Variants in PBX1 observed in about 807,000 individuals in gnomAD.
PBX1 encodes PBX homeobox 1, also known as pre-B-cell leukemia transcription factor 1.
PBX1 carries 6 observed loss-of-function variants against 53.4 expected under a neutral mutation model. That is an observed-to-expected ratio of 0.11 (90% CI 0.06 to 0.22). PBX1 has a LOEUF of 0.22. PBX1 is among the 10% of genes least tolerant of loss of function. The probability of loss-of-function intolerance (pLI) is 1.00; values close to 1 mark genes in which losing one functional copy is unlikely to be tolerated. For missense variants in PBX1, 251 were observed against 551.4 expected, an observed-to-expected ratio of 0.46 and a Z score of 5.46; for synonymous variants, 204 against 212.3, an observed-to-expected ratio of 0.96 and a Z score of 0.34.
At chr1:164,572,611 TTGAG>T (rs1287490234) in intron 2 of PBX1, among the ~76,000 whole-genome samples, 4 of 152,152 alleles carry the variant, frequency 2.6e-5, no homozygotes, top group Admixed American at 6.5e-5. Context: ...AGCATGGACT[TTGAG>T]TGAAACCATC....
intron 2 of PBX1, among the ~76,000 whole-genome samples, chr1:164,692,655 A>T (rs954839461): frequency 3.9e-5 from 6 of 152,152 alleles, no homozygotes; most frequent in African/African-American, 1.4e-4. Context: ...GAGCGTGGGG[A>T]ATAGGGTTAA....
intron 2 of PBX1, among the ~76,000 whole-genome samples, chr1:164,637,688 G>C (rs759417828): frequency 1.3e-5 from 2 of 152,218 alleles, no homozygotes; most frequent in Admixed American, 1.3e-4. Context: ...GGCCTGCCAA[G>C]TTCCACTGAC....
chr1:164,841,915 T>G (rs1167973080), intron 8 of PBX1, among the ~76,000 whole-genome samples: 2 of 152,192 alleles, frequency 1.3e-5, no homozygotes, highest in Non-Finnish European at 2.9e-5. Context: ...CTGGCCCATA[T>G]GCAGATCTAG....
chr1:164,870,217 CT>C (rs1437260960), intron 2 of PBX1, among the ~76,000 whole-genome samples: 3 of 89,292 alleles, frequency 3.4e-5, no homozygotes, highest in Non-Finnish European at 7.1e-5. Context: ...TCTTTTCTTT[CT>C]TTCCTTCCTT....
At chr1:164,630,516 C>A (rs941677325) in intron 2 of PBX1, among the ~76,000 whole-genome samples, 2 of 152,110 alleles carry the variant, frequency 1.3e-5, no homozygotes, top group Non-Finnish European at 2.9e-5. Flanking sequence ...CAATATCATT[C>A]TTCTTTTACC....
chr1:164,626,392 G>T (rs896676170), intron 2 of PBX1, among the ~76,000 whole-genome samples: 1 of 152,160 alleles, frequency 6.6e-6, no homozygotes, highest in Non-Finnish European at 1.5e-5. Flanking sequence ...CCAGGGCTGA[G>T]CATTTCTTTG....
chr1:164,697,228 GC>G (rs1014879221), intron 2 of PBX1, among the ~76,000 whole-genome samples: 21 of 152,204 alleles, frequency 1.4e-4, no homozygotes, highest in African/African-American at 5.1e-4. Context: ...TAAATAATTT[GC>G]CCTGTTACCT....
intron 2 of PBX1, among the ~76,000 whole-genome samples, chr1:164,744,716 G>T (rs1665803034): frequency 6.6e-6 from 1 of 152,186 alleles, no homozygotes; most frequent in Non-Finnish European, 1.5e-5. Flanking sequence ...ATTCAAAAAA[G>T]ACTGCAGACG....
In PBX1 at chr1:164,849,858, A is replaced by T. The variant is rs1671747775; in HGVS notation, c.*3182A>T. The T allele has an allele frequency of 4.3e-6, 1 of 231,520 alleles. No individual in the cohort carries two copies. Among genetic ancestry groups the T allele is most frequent in the African/African-American group, 2.2e-5 (1 of 45,234 alleles). The allele number at this position is 231,520 out of a possible 1,614,324, so 14.3% of individuals were successfully genotyped here. A position where few individuals can be genotyped will look rare whatever the true frequency, so the allele number is the denominator to read the frequency against. Reference sequence around the variant, plus strand: ...TTCTGCCCAGAAAAACCTGACTTCGATACCAAAAAAGATGAAACTACAGAA... The same window carrying T: ...TTCTGCCCAGAAAAACCTGACTTCGTTACCAAAAAAGATGAAACTACAGAA... On this transcript the variant is annotated 3_prime_UTR_variant, in exon 9 of 9. Transcript: ENST00000420696.
chr1:164,716,006 G>T (rs1664061640), intron 2 of PBX1, among the ~76,000 whole-genome samples: 1 of 152,202 alleles, frequency 6.6e-6, no homozygotes, highest in African/African-American at 2.4e-5. Context: ...TAGTGGGGAG[G>T]TGGTGAGGAG....
intron 2 of PBX1, among the ~76,000 whole-genome samples, chr1:164,576,568 G>A (rs1654256151): frequency 6.6e-6 from 1 of 152,228 alleles, no homozygotes; most frequent in Non-Finnish European, 1.5e-5. Flanking sequence ...TCCCCCAAGC[G>A]GGGCTTGCTG....
intron 2 of PBX1, chr1:164,652,192 A>C (rs1335136641): frequency 6.6e-6 from 1 of 151,946 alleles, no homozygotes; most frequent in African/African-American, 2.4e-5. Context: ...CAAGTAGCTG[A>C]GATTACAAGC....
At position 164,851,239 on chromosome 1, in the gene PBX1, A is replaced by T. The variant is rs2102430463; in HGVS notation, c.*4563A>T. On this transcript the variant is annotated 3_prime_UTR_variant, in exon 9 of 9. Coordinates refer to ENST00000420696, the MANE Select transcript of PBX1 (RefSeq NM_002585.4). ...AAGAAAGCCATATTATCTGGAAAAA[A>T]ATTCATTTTAAATACCATCATTCAA... 4.8e-6 allele frequency: 1 copy of T among 209,864 alleles called. No homozygotes were observed. Among genetic ancestry groups the T allele is most frequent in the African/African-American group, 2.3e-5 (1 of 44,194 alleles). 13.0% of individuals were successfully genotyped at this position (209,864 alleles called of 1,614,324 possible).
intron 2 of PBX1, among the ~76,000 whole-genome samples, chr1:164,723,642 C>T (rs1267831135): frequency 1.3e-5 from 2 of 152,168 alleles, no homozygotes; most frequent in Non-Finnish European, 2.9e-5. Flanking sequence ...CTGCCTGGGC[C>T]AGCCAGGCGG....
chr1:164,828,330 T>C (rs796934374), intron 8 of PBX1: 5 of 152,168 alleles, frequency 3.3e-5, no homozygotes, highest in African/African-American at 1.2e-4. Context: ...TATGAACAAG[T>C]CAGTTTCTCA....
Position 164,849,815 on chromosome 1 carries a change from CT to C in PBX1, c.*3142del, listed in dbSNP as rs1290173667. ...CACACATCTTTCTCTCTGTCTCTCTCTTTCCTGCTCTTTGTTTTTCTGCCCA... is the reference window on the plus strand; with the variant it reads ...CACACATCTTTCTCTCTGTCTCTCTCTTCCTGCTCTTTGTTTTTCTGCCCA... On this transcript the variant is annotated 3_prime_UTR_variant, in exon 9 of 9. Coordinates refer to ENST00000420696, the MANE Select transcript of PBX1 (RefSeq NM_002585.4). 3 of 234,026 alleles carry C rather than the reference CT, an allele frequency of 1.3e-5. No individual in the cohort carries two copies. The highest frequency in any genetic ancestry group is 6.6e-5 in the African/African-American group (3 of 45,372). 14.5% of individuals were successfully genotyped at this position (234,026 alleles called of 1,614,324 possible). A position where few individuals can be genotyped will look rare whatever the true frequency, so the allele number is the denominator to read the frequency against.
intron 2 of PBX1, among the ~76,000 whole-genome samples, chr1:164,606,516 C>T (rs1359053776): frequency 1.3e-5 from 2 of 152,200 alleles, no homozygotes; most frequent in Non-Finnish European, 2.9e-5. Context: ...GCGAAGGTTT[C>T]AGTGAGCTGA....
chr1:164,832,588 A>G (rs1670822618), intron 8 of PBX1, among the ~76,000 whole-genome samples: 1 of 152,210 alleles, frequency 6.6e-6, no homozygotes, highest in Non-Finnish European at 1.5e-5. Flanking sequence ...TTTTAAAGTA[A>G]GTTAAAAGAA....
At chr1:164,654,546 A>G (rs967213174) in intron 2 of PBX1, among the ~76,000 whole-genome samples, 1 of 152,242 alleles carries the variant, frequency 6.6e-6, no homozygotes, top group African/African-American at 2.4e-5. Context: ...GTGATGTGAG[A>G]AATACTGGAA....
Sources: gnomAD v4.1 joint callset for allele counts (sites outside exome capture counted in the v4.1 genomes callset) on GRCh38, gnomAD v4.1.1 for gene constraint, MANE v1.5 for transcripts, NCBI Gene and HGNC (gene_info 2026-07-23, HGNC 2026-07-21) for gene names.